The following PTPRD variants were observed in gnomAD, a reference collection of about 807,000 sequenced individuals.
The protein encoded by PTPRD is protein tyrosine phosphatase receptor type D.
Under a neutral mutation model 214.5 loss-of-function variants are expected in PTPRD, and 34 were observed. The ratio of observed to expected loss-of-function variants is 0.16; its 90% CI spans 0.12 to 0.21. The LOEUF is 0.21. Among genes scored for constraint, PTPRD ranks in the 10% least tolerant of loss-of-function variants. The probability of loss-of-function intolerance (pLI) is 1.00; values close to 1 mark genes in which losing one functional copy is unlikely to be tolerated. For synonymous variants in PTPRD, 1,128 were observed against 845.7 expected, an observed-to-expected ratio of 1.33 and a Z score of -5.79; for missense variants, 2,545 against 2,398.7, an observed-to-expected ratio of 1.06 and a Z score of -1.27.
intron 3 of PTPRD, among the ~76,000 whole-genome samples, chr9:10,295,126 G>A (rs1231730323): frequency 6.6e-6 from 1 of 151,966 alleles, no homozygotes; most frequent in Non-Finnish European, 1.5e-5. Context: ...TTGTATACAT[G>A]GATTGCCTTA....
At chr9:8,902,910 T>G (rs1186681514) in intron 11 of PTPRD, among the ~76,000 whole-genome samples, 1 of 152,196 alleles carries the variant, frequency 6.6e-6, no homozygotes, top group Non-Finnish European at 1.5e-5. Flanking sequence ...TTAATAGTAG[T>G]AATGAAGGGC....
intron 35 of PTPRD, among the ~76,000 whole-genome samples, chr9:8,428,558 A>T (rs571033742): frequency 1.9e-4 from 29 of 152,176 alleles, no homozygotes; most frequent in Non-Finnish European, 3.5e-4. Flanking sequence ...CCACTCTTCC[A>T]CTTTGCATAA....
chr9:9,074,664 T>C (rs1173073307), intron 10 of PTPRD, among the ~76,000 whole-genome samples: 2 of 152,098 alleles, frequency 1.3e-5, no homozygotes, highest in Non-Finnish European at 2.9e-5. Flanking sequence ...ATGTCTTCTT[T>C]TGAGAAATGT....
intron 5 of PTPRD, among the ~76,000 whole-genome samples, chr9:9,777,527 T>A (rs897958740): frequency 1.1e-4 from 17 of 152,082 alleles, no homozygotes; most frequent in African/African-American, 4.1e-4. Flanking sequence ...AAACCCTGCC[T>A]TTAAAGAAGA....
At chr9:10,209,366 CCAAT>C (rs1209376622) in intron 3 of PTPRD, among the ~76,000 whole-genome samples, 3 of 151,914 alleles carry the variant, frequency 2.0e-5, no homozygotes, top group African/African-American at 4.8e-5. Context: ...ACTCTGATGA[CCAAT>C]CAATCTCATT....
intron 10 of PTPRD, among the ~76,000 whole-genome samples, chr9:9,110,510 CTCT>C (rs1266102592): frequency 1.3e-5 from 2 of 152,032 alleles, no homozygotes; most frequent in African/African-American, 2.4e-5. Flanking sequence ...TGTGACTCAC[CTCT>C]TCTTCTCCAC....
At chr9:10,310,842 T>C (rs1565208105) in intron 3 of PTPRD, among the ~76,000 whole-genome samples, 1 of 151,830 alleles carries the variant, frequency 6.6e-6, no homozygotes, top group African/African-American at 2.4e-5. Flanking sequence ...GCAAAGATGA[T>C]TTTTTTCATT....
chr9:10,537,001 C>A (rs1196748210), intron 2 of PTPRD, among the ~76,000 whole-genome samples: 1 of 152,152 alleles, frequency 6.6e-6, no homozygotes, highest in African/African-American at 2.4e-5. Context: ...TCTGGGGAAT[C>A]TCAAACTATC....
chr9:10,380,841 G>C (rs1199175081), intron 2 of PTPRD, among the ~76,000 whole-genome samples: 1 of 151,848 alleles, frequency 6.6e-6, no homozygotes, highest in Non-Finnish European at 1.5e-5. Flanking sequence ...GTATATTTGA[G>C]TTCAATTGTG....
chr9:8,316,825 T>TAA lies in PTPRD; in HGVS notation c.*1047_*1048dup, dbSNP rs1196849295. 4.3e-6 allele frequency: 1 copy of TAA among 231,140 alleles called. No individual in the cohort carries two copies. The highest frequency in any genetic ancestry group is 8.6e-6 in the Non-Finnish European group (1 of 116,568). The allele number at this position is 231,140 out of a possible 1,614,324, so 14.3% of individuals were successfully genotyped here. On this transcript the variant is annotated 3_prime_UTR_variant, in exon 46 of 46. Coordinates refer to ENST00000381196, the MANE Select transcript of PTPRD (RefSeq NM_002839.4). ...AAGAAATACCAATATGTCAAAAAAT[T>TAA]AAGAATAAATGGAAAGAGATGTTTA...
intron 8 of PTPRD, among the ~76,000 whole-genome samples, chr9:9,442,848 T>C (rs1269971541): frequency 6.6e-6 from 1 of 152,186 alleles, no homozygotes; most frequent in African/African-American, 2.4e-5. Flanking sequence ...ATAAAGGGAA[T>C]CTTTTTGGTA....
intron 2 of PTPRD, among the ~76,000 whole-genome samples, chr9:10,421,119 T>C (rs929542653): frequency 1.3e-5 from 2 of 151,890 alleles, no homozygotes; most frequent in African/African-American, 4.8e-5. Context: ...GAAAGTTTAC[T>C]AATTTGTGTT....
At chr9:9,226,646 G>C (rs970001436) in intron 9 of PTPRD, among the ~76,000 whole-genome samples, 3 of 151,896 alleles carry the variant, frequency 2.0e-5, no homozygotes, top group African/African-American at 7.3e-5. Context: ...TTGGATCTTG[G>C]GTAAACAGTT....
At chr9:9,763,796 C>T (rs1168523810) in intron 6 of PTPRD, among the ~76,000 whole-genome samples, 1 of 151,896 alleles carries the variant, frequency 6.6e-6, no homozygotes, top group African/African-American at 2.4e-5. Context: ...TTTATTAACC[C>T]CTAAGTACTT....
At chr9:8,652,096 C>T (rs2154345521) in intron 12 of PTPRD, among the ~76,000 whole-genome samples, 2 of 152,216 alleles carry the variant, frequency 1.3e-5, no homozygotes, top group Middle Eastern at 6.8e-3. Context: ...ACTTTTTCCC[C>T]TGTCCTCTAA....
intron 21 of PTPRD, among the ~76,000 whole-genome samples, chr9:8,516,040 G>C (rs1180138191): frequency 6.6e-6 from 1 of 152,186 alleles, no homozygotes; most frequent in Non-Finnish European, 1.5e-5. Context: ...AATAATCACA[G>C]CTGAGAAATT....
At chr9:10,431,506 A>G (rs968051765) in intron 2 of PTPRD, among the ~76,000 whole-genome samples, 4 of 151,942 alleles carry the variant, frequency 2.6e-5, no homozygotes, top group Non-Finnish European at 4.4e-5. Context: ...GCAACCTACA[A>G]AATGGGAGAA....
At chr9:8,524,765 T>C in intron 18 of PTPRD, 160 bp downstream of exon 18, 1 of 762,172 alleles carries the variant, frequency 1.3e-6, no homozygotes. Flanking sequence ...AAACAACACA[T>C]TTTAAATTTT....
At chr9:9,610,398 C>G (rs771180636) in intron 7 of PTPRD, among the ~76,000 whole-genome samples, 3 of 152,128 alleles carry the variant, frequency 2.0e-5, no homozygotes, top group Non-Finnish European at 2.9e-5. Flanking sequence ...TTTGCACTAG[C>G]AAAGCAATAA....
Sources: gnomAD v4.1 joint callset for allele counts (sites outside exome capture counted in the v4.1 genomes callset) on GRCh38, gnomAD v4.1.1 for gene constraint, MANE v1.5 for transcripts, NCBI Gene and HGNC (gene_info 2026-07-23, HGNC 2026-07-21) for gene names.